Variants in MAPKAP1 observed in about 807,000 individuals in gnomAD.
The protein encoded by MAPKAP1 is target of rapamycin complex 2 subunit MAPKAP1.
A neutral mutation model predicts 65.7 loss-of-function variants in MAPKAP1; 20 were observed. The ratio of observed to expected loss-of-function variants is 0.30; its 90% confidence interval spans 0.21 to 0.44. The LOEUF (loss-of-function observed/expected upper bound fraction) is 0.44, where lower values mean the gene tolerates loss of function less well. Among genes scored for constraint, MAPKAP1 ranks in the 20% least tolerant of loss-of-function variants. The pLI is 1.00. For synonymous variants in MAPKAP1, 222 were observed against 244.3 expected (o/e 0.91, Z 0.85); for missense variants, 423 against 648.0 (o/e 0.65, Z 3.77).
rs551326818 is a variant in MAPKAP1 at position 125,484,495 on chromosome 9, T to C, written c.1155A>G (p.Ser385=). ...GTCTGTGGATCATGCTGACTTTGAATGACTTGTAATGGTGGCTGCTAAGCA... is the reference window on the plus strand; with the variant it reads ...GTCTGTGGATCATGCTGACTTTGAACGACTTGTAATGGTGGCTGCTAAGCA... ...QDMLSSHHYK[S]FKVSMIHRLR... is the part of the protein sequence containing the mutation. The change falls in exon 9 of 12, where the codon TCA becomes TCG. Residue 385 remains serine (S), a synonymous_variant. Coordinates refer to ENST00000265960, the MANE Select transcript of MAPKAP1 (RefSeq NM_001006617.3). The C allele has an allele frequency of 5.0e-6, 8 of 1,613,558 alleles. No individual in the cohort carries two copies. The Admixed American group carries it at 6.7e-5, about 13-fold the overall frequency.
chr9:125,437,726 T>G lies in MAPKAP1; in HGVS notation c.*1161A>C, dbSNP rs1167104038. The G allele has an allele frequency of 6.6e-6, 1 of 152,348 alleles. No homozygotes were observed. The highest frequency in any genetic ancestry group is 1.5e-5 in the Non-Finnish European group (1 of 68,040). The allele number at this position is 152,348 out of a possible 1,614,324, so 9.4% of individuals were successfully genotyped here. Reference sequence around the variant, plus strand: ...TGTACAACAATTTAAAAAATGTTTCTAATGCAGGTCCTCAGTGAAACACCG... The same window carrying G: ...TGTACAACAATTTAAAAAATGTTTCGAATGCAGGTCCTCAGTGAAACACCG... On this transcript the variant is annotated 3_prime_UTR_variant, in exon 12 of 12. Coordinates refer to ENST00000265960, the MANE Select transcript of MAPKAP1 (RefSeq NM_001006617.3).
rs34339738 is a variant in MAPKAP1, at chr9:125,491,139, C to CAAA, written c.1067-6559_1067-6557dup. 7.0e-4 allele frequency among the ~76,000 whole-genome samples: 84 copies of CAAA among 119,842 alleles called. 1 individual carries two copies. Among genetic ancestry groups the CAAA allele is most frequent in the African/African-American group, 2.1e-3 (65 of 31,316 alleles). 78.6% of individuals were successfully genotyped at this position (119,842 alleles called of 152,430 possible). ...TGGGCGACAGAGCAAGACTCCGTCT[C>CAAA]AAAAAAAAAAAAAAAAAATTTAGGC... On this transcript the variant is annotated intron_variant, in intron 8 of 11. Coordinates refer to ENST00000265960, the MANE Select transcript of MAPKAP1 (RefSeq NM_001006617.3).
At chr9:125,697,453 G>A (rs528243729) in intron 1 of MAPKAP1, among the ~76,000 whole-genome samples, 28 of 152,146 alleles carry the variant, frequency 1.8e-4, no homozygotes, top group Non-Finnish European at 2.9e-4. Context: ...ACATAATTGG[G>A]ACCATACTTT....
intron 10 of MAPKAP1, among the ~76,000 whole-genome samples, chr9:125,460,496 T>C (rs545301598): frequency 3.1e-4 from 47 of 152,204 alleles, no homozygotes; most frequent in Non-Finnish European, 5.6e-4. Flanking sequence ...TCTTACACGT[T>C]CTGTAAACAT....
chr9:125,690,761 A>G (rs970143356), intron 1 of MAPKAP1, among the ~76,000 whole-genome samples: 2 of 152,224 alleles, frequency 1.3e-5, no homozygotes, highest in Non-Finnish European at 2.9e-5. Flanking sequence ...CGGACAAGGC[A>G]CTGAAGCAAG....
chr9:125,544,071 C>T (rs523713), intron 6 of MAPKAP1, among the ~76,000 whole-genome samples: 74,945 of 151,768 alleles, frequency 0.49, 19,113 homozygotes, highest in East Asian at 0.67. Context: ...AGTGCAGTGG[C>T]GCAATCTCGG....
At chr9:125,598,063 C>T (rs1421909162) in intron 4 of MAPKAP1, among the ~76,000 whole-genome samples, 3 of 148,120 alleles carry the variant, frequency 2.0e-5, no homozygotes, top group African/African-American at 5.0e-5. Flanking sequence ...TAAAGAGGGT[C>T]GACATGAGAA....
intron 6 of MAPKAP1, among the ~76,000 whole-genome samples, chr9:125,555,081 C>T (rs977459069): frequency 2.0e-5 from 3 of 151,822 alleles, no homozygotes; most frequent in Non-Finnish European, 4.4e-5. Context: ...ATTTTATTAA[C>T]GTTATAATTT....
At chr9:125,478,316 A>T (rs1854185450) in intron 9 of MAPKAP1, 1 of 151,160 alleles carries the variant, frequency 6.6e-6, no homozygotes, top group Non-Finnish European at 1.5e-5. Flanking sequence ...TGTGCAGTTG[A>T]GTTATTTTTT....
At chr9:125,499,731 G>A (rs927510533) in intron 8 of MAPKAP1, among the ~76,000 whole-genome samples, 1 of 152,102 alleles carries the variant, frequency 6.6e-6, no homozygotes, top group Non-Finnish European at 1.5e-5. Context: ...CTAATTTGTG[G>A]CTGGGTTTAG....
chr9:125,475,161 G>A (rs1422042408), intron 9 of MAPKAP1, among the ~76,000 whole-genome samples: 1 of 152,154 alleles, frequency 6.6e-6, no homozygotes, highest in Non-Finnish European at 1.5e-5. Context: ...TGACTTGTCT[G>A]ATGTCACCCA....
intron 8 of MAPKAP1, among the ~76,000 whole-genome samples, chr9:125,500,313 G>A (rs1458288880): frequency 2.6e-5 from 4 of 151,380 alleles, no homozygotes; most frequent in East Asian, 1.9e-4. Flanking sequence ...TCAGCCTCCC[G>A]AGTAGCTGGG....
At chr9:125,693,731 A>G (rs549973508) in intron 1 of MAPKAP1, among the ~76,000 whole-genome samples, 3,765 of 138,302 alleles carry the variant, frequency 0.027, 417 homozygotes, top group African/African-American at 0.12. Context: ...GTATATACAC[A>G]TATATACACG....
At chr9:125,690,913 C>T (rs1268712845) in intron 1 of MAPKAP1, among the ~76,000 whole-genome samples, 1 of 152,108 alleles carries the variant, frequency 6.6e-6, no homozygotes, top group Non-Finnish European at 1.5e-5. Context: ...AATCTGAAGG[C>T]AGTGAAAGAT....
intron 1 of MAPKAP1, among the ~76,000 whole-genome samples, chr9:125,673,836 T>A (rs764282251): frequency 6.6e-6 from 1 of 152,168 alleles, no homozygotes; most frequent in East Asian, 1.9e-4. Context: ...TAGCTACTCA[T>A]GAGGCTGAAG....
At chr9:125,461,982 A>T (rs1238422393) in intron 10 of MAPKAP1, among the ~76,000 whole-genome samples, 1 of 152,214 alleles carries the variant, frequency 6.6e-6, no homozygotes, top group Non-Finnish European at 1.5e-5. Flanking sequence ...ATCCAAAGGT[A>T]ACTAAAGTCA....
chr9:125,472,688 T>G (rs1024041621), intron 9 of MAPKAP1, among the ~76,000 whole-genome samples: 42 of 152,320 alleles, frequency 2.8e-4, no homozygotes, highest in African/African-American at 9.4e-4. Flanking sequence ...AATAGAGGAA[T>G]AGTTGATCCA....
intron 1 of MAPKAP1, among the ~76,000 whole-genome samples, chr9:125,693,611 A>G (rs1041931996): frequency 6.7e-6 from 1 of 150,272 alleles, no homozygotes; most frequent in African/African-American, 2.5e-5. Context: ...ACATACACAT[A>G]TATACACACA....
intron 4 of MAPKAP1, among the ~76,000 whole-genome samples, chr9:125,619,633 T>A (rs759362595): frequency 6.6e-6 from 1 of 152,028 alleles, no homozygotes; most frequent in Admixed American, 6.5e-5. Context: ...GGAACCTTCA[T>A]ATATACGAAC....
Sources: gnomAD v4.1 joint callset for allele counts (sites outside exome capture counted in the v4.1 genomes callset) on GRCh38, gnomAD v4.1.1 for gene constraint, MANE v1.5 for transcripts, NCBI Gene and HGNC (gene_info 2026-07-23, HGNC 2026-07-21) for gene names.